The following CTIF variants were observed in gnomAD, a reference collection of about 807,000 sequenced individuals.
CTIF encodes the protein CBP80/20-dependent translation initiation factor.
CTIF carries 21 observed loss-of-function variants against 66.0 expected under a neutral mutation model. That is an observed-to-expected ratio of 0.32 (90% CI 0.23 to 0.46). CTIF has a LOEUF of 0.46. Ranked by LOEUF, CTIF falls within the 20% of genes least tolerant of loss-of-function variation. The probability of loss-of-function intolerance (pLI) is 1.00; values close to 1 mark genes in which losing one functional copy is unlikely to be tolerated. For synonymous variants in CTIF, 345 were observed against 326.4 expected, an observed-to-expected ratio of 1.06 and a Z score of -0.62; for missense variants, 739 against 812.7, an observed-to-expected ratio of 0.91 and a Z score of 1.10.
chr18:48,595,451 G>T (rs2089972100), intron 1 of CTIF, among the ~76,000 whole-genome samples: 1 of 152,060 alleles, frequency 6.6e-6, no homozygotes, highest in African/African-American at 2.4e-5. Flanking sequence ...TAGAGAGACA[G>T]GGTCTCAGTC....
intron 10 of CTIF, 143 bp downstream of exon 10, chr18:48,817,519 TA>T (rs2068392330): frequency 1.0e-6 from 1 of 976,472 alleles, no homozygotes; most frequent in African/African-American, 1.6e-5. Context: ...CTCACACCTG[TA>T]ATCCCAGCAC....
intron 3 of CTIF, among the ~76,000 whole-genome samples, chr18:48,640,775 A>T (rs961388039): frequency 6.6e-6 from 1 of 152,250 alleles, no homozygotes; most frequent in African/African-American, 2.4e-5. Flanking sequence ...CAGATTAGTC[A>T]TACACTGGGA....
At chr18:48,774,651 G>A (rs1228451079) in intron 9 of CTIF, among the ~76,000 whole-genome samples, 1 of 152,130 alleles carries the variant, frequency 6.6e-6, no homozygotes, top group Non-Finnish European at 1.5e-5. Context: ...CCGAGCCTGA[G>A]ACCAAGTGTA....
intron 6 of CTIF, among the ~76,000 whole-genome samples, chr18:48,687,502 G>C (rs1466450011): frequency 6.6e-6 from 1 of 152,028 alleles, no homozygotes; most frequent in East Asian, 1.9e-4. Context: ...TGGGACTCAA[G>C]GATAAGGCTC....
At chr18:48,595,646 C>T (rs1173531465) in intron 1 of CTIF, among the ~76,000 whole-genome samples, 4 of 152,082 alleles carry the variant, frequency 2.6e-5, no homozygotes, top group African/African-American at 7.2e-5. Context: ...ATGCTGGTCT[C>T]GAACTCCTGG....
At chr18:48,584,738 C>A (rs2089730827) in intron 1 of CTIF, among the ~76,000 whole-genome samples, 1 of 152,234 alleles carries the variant, frequency 6.6e-6, no homozygotes, top group Non-Finnish European at 1.5e-5. Flanking sequence ...TCTCCCATCT[C>A]TGACGATCTC....
At chr18:48,637,632 A>G (rs2090848218) in intron 3 of CTIF, among the ~76,000 whole-genome samples, 1 of 152,060 alleles carries the variant, frequency 6.6e-6, no homozygotes, top group South Asian at 2.1e-4. Flanking sequence ...CAACTCCTCT[A>G]TTCTGTCCCG....
chr18:48,820,220 G>C (rs1015785537), intron 10 of CTIF, among the ~76,000 whole-genome samples: 1 of 152,150 alleles, frequency 6.6e-6, no homozygotes. Flanking sequence ...GGACTTAAAG[G>C]GGTGCCCTAC....
At chr18:48,656,935 G>C (rs921935268) in intron 3 of CTIF, among the ~76,000 whole-genome samples, 1 of 152,172 alleles carries the variant, frequency 6.6e-6, no homozygotes, top group African/African-American at 2.4e-5. Context: ...GGTTTTGATG[G>C]GTAGCTGACA....
intron 9 of CTIF, among the ~76,000 whole-genome samples, chr18:48,769,308 ACTAGTTG>A (rs1286534004): frequency 5.3e-5 from 8 of 152,202 alleles, no homozygotes. Flanking sequence ...GCTCCCCTCC[ACTAGTTG>A]CTAGAAATCA....
chr18:48,541,316 C>A (rs567987032), intron 1 of CTIF, among the ~76,000 whole-genome samples: 1 of 152,308 alleles, frequency 6.6e-6, no homozygotes, highest in South Asian at 2.1e-4. Context: ...AGGAGGAAGC[C>A]GCTGGAGCCG....
chr18:48,774,899 G>T (rs939153916), intron 9 of CTIF, among the ~76,000 whole-genome samples: 1 of 152,094 alleles, frequency 6.6e-6, no homozygotes, highest in Non-Finnish European at 1.5e-5. Context: ...GTATTGGAGC[G>T]CCACATATTG....
intron 5 of CTIF, among the ~76,000 whole-genome samples, chr18:48,667,319 G>T (rs1390618016): frequency 6.6e-6 from 1 of 152,160 alleles, no homozygotes; most frequent in Non-Finnish European, 1.5e-5. Flanking sequence ...CCTGGTGCAG[G>T]GTTAAATAAA....
intron 2 of CTIF, among the ~76,000 whole-genome samples, chr18:48,622,085 G>A (rs957407409): frequency 6.6e-6 from 1 of 152,216 alleles, no homozygotes; most frequent in Non-Finnish European, 1.5e-5. Flanking sequence ...GTTTCTCCAG[G>A]GAATACAGTG....
rs1213863246 is a variant in CTIF at position 48,850,648 on chromosome 18, C to A, written c.1528-6940C>A. ...ATTGGTCACCCTGAAGCATGGAGAG[C>A]CCGGGAGGGCAATGGCACTGACGGG... is the stretch of plus-strand genomic sequence containing the variant. On this transcript the variant is annotated intron_variant, in intron 10 of 11. Transcript: ENST00000256413. Among the ~76,000 whole-genome samples the A allele has an allele frequency of 2.0e-5, 3 of 152,226 alleles. No individual in the cohort carries two copies. In the East Asian group the frequency reaches 5.8e-4, roughly 29 times the overall value.
chr18:48,813,236 C>T (rs1182725767), intron 9 of CTIF, among the ~76,000 whole-genome samples: 1 of 152,206 alleles, frequency 6.6e-6, no homozygotes, highest in African/African-American at 2.4e-5. Context: ...AGTTGCTTAG[C>T]TAATCACAAT....
At chr18:48,716,312 C>T (rs1598916365) in intron 7 of CTIF, among the ~76,000 whole-genome samples, 1 of 152,194 alleles carries the variant, frequency 6.6e-6, no homozygotes, top group South Asian at 2.1e-4. Flanking sequence ...CAGTCATCCA[C>T]GTGTTAACAG....
intron 9 of CTIF, among the ~76,000 whole-genome samples, chr18:48,779,368 C>T (rs1599029460): frequency 6.6e-6 from 1 of 152,282 alleles, no homozygotes; most frequent in African/African-American, 2.4e-5. Flanking sequence ...AGGTATACGT[C>T]AAGTCACGCA....
intron 1 of CTIF, among the ~76,000 whole-genome samples, chr18:48,579,967 C>T (rs17829286): frequency 0.11 from 16,551 of 152,280 alleles, 1,165 homozygotes; most frequent in Non-Finnish European, 0.16. Context: ...GAAGGAACTA[C>T]GATGTCTCTG....
Sources: gnomAD v4.1 joint callset for allele counts (sites outside exome capture counted in the v4.1 genomes callset) on GRCh38, gnomAD v4.1.1 for gene constraint, MANE v1.5 for transcripts, NCBI Gene and HGNC (gene_info 2026-07-23, HGNC 2026-07-21) for gene names.